The following PARD3B variants were observed in gnomAD, a reference collection of about 807,000 sequenced individuals.
PARD3B encodes partitioning defective 3 homolog B.
In PARD3B, 103 loss-of-function variants were observed where a neutral mutation model predicts 130.2. That is an observed-to-expected ratio of 0.79 (90% CI 0.67 to 0.93). The LOEUF is 0.93. Ranked by LOEUF, PARD3B falls within the 40% of genes least tolerant of loss-of-function variation. The pLI, the probability that PARD3B is intolerant of heterozygous loss-of-function variation, is 0.00. For missense variants in PARD3B, 1,609 were observed against 1,499.2 expected, an observed-to-expected ratio of 1.07 and a Z score of -1.21; for synonymous variants, 583 against 553.2, an observed-to-expected ratio of 1.05 and a Z score of -0.76.
chr2:204,654,573 G>T (rs181031554), intron 1 of PARD3B, among the ~76,000 whole-genome samples: 1 of 152,252 alleles, frequency 6.6e-6, no homozygotes, highest in East Asian at 1.9e-4. Flanking sequence ...GAGTGATAGG[G>T]CAGTGTTTTT....
At chr2:204,997,855 T>G (rs145533942) in intron 3 of PARD3B, among the ~76,000 whole-genome samples, 4 of 149,614 alleles carry the variant, frequency 2.7e-5, no homozygotes, top group Admixed American at 2.7e-4. Flanking sequence ...TATATTAATT[T>G]ATACTTGTAT....
chr2:205,109,017 T>A (rs566924310), intron 5 of PARD3B, among the ~76,000 whole-genome samples: 13 of 152,294 alleles, frequency 8.5e-5, no homozygotes, highest in African/African-American at 3.1e-4. Context: ...TTCTGTTCTT[T>A]TTTATTACCT....
intron 4 of PARD3B, among the ~76,000 whole-genome samples, chr2:205,067,095 C>CTTTTGT (rs1700433045): frequency 1.7e-5 from 1 of 59,712 alleles, no homozygotes; most frequent in Non-Finnish European, 3.1e-5. Flanking sequence ...TTTTACTAGG[C>CTTTTGT]TTTTTTTTTT....
chr2:204,933,662 G>C lies in PARD3B; in HGVS notation c.223-31490G>C, dbSNP rs1349224912. Among the ~76,000 whole-genome samples, 3 of 152,168 alleles carry C rather than the reference G, an allele frequency of 2.0e-5. No homozygotes were observed. In the East Asian group the frequency reaches 5.8e-4, roughly 29 times the overall value. On this transcript the variant is annotated intron_variant, in intron 2 of 22. Transcript: ENST00000406610. ...CTGTGCTTTATTGCAAGCTATCAGA[G>C]TTCATCTTTTAGGGACTTTTGGTTC... is the stretch of plus-strand genomic sequence containing the variant.
intron 22 of PARD3B, among the ~76,000 whole-genome samples, chr2:205,566,271 T>C (rs184422041): frequency 7.2e-5 from 11 of 152,354 alleles, no homozygotes; most frequent in Admixed American, 2.6e-4. Flanking sequence ...CCAGAATGTT[T>C]GTCTAGCTGC....
intron 1 of PARD3B, among the ~76,000 whole-genome samples, chr2:204,621,997 G>C (rs1404614708): frequency 6.6e-6 from 1 of 152,128 alleles, no homozygotes; most frequent in Non-Finnish European, 1.5e-5. Flanking sequence ...CATAGGTCTA[G>C]TATTTCTTTC....
chr2:205,274,884 T>C lies in PARD3B; in HGVS notation c.2186-25646T>C, dbSNP rs2040878020. On this transcript the variant is annotated intron_variant, in intron 16 of 22. Transcript: ENST00000406610. The surrounding 1 kb of genome is among the most constrained non-coding windows in gnomAD (Gnocchi z 4.2). Reference sequence around the variant, plus strand: ...CTCAGAAAACTGGTAAAAAGCAGAATTGTCATTTTACTAAATATTCTTTCT... The same window carrying C: ...CTCAGAAAACTGGTAAAAAGCAGAACTGTCATTTTACTAAATATTCTTTCT... 6.6e-6 allele frequency among the ~76,000 whole-genome samples: 1 copy of C among 152,194 alleles called. No individual in the cohort carries two copies. The highest frequency in any genetic ancestry group is 6.6e-5 in the Admixed American group (1 of 15,264).
intron 10 of PARD3B, among the ~76,000 whole-genome samples, chr2:205,133,776 T>C (rs142932175): frequency 1.1e-4 from 17 of 152,288 alleles, no homozygotes; most frequent in Non-Finnish European, 2.4e-4. Flanking sequence ...CCCTGATTCA[T>C]TTAGGCAAAC....
chr2:205,245,402 G>C (rs565610980), intron 15 of PARD3B, among the ~76,000 whole-genome samples: 64 of 152,154 alleles, frequency 4.2e-4, no homozygotes, highest in African/African-American at 1.4e-3. Context: ...TATACACACA[G>C]ACACACACAC....
intron 3 of PARD3B, among the ~76,000 whole-genome samples, chr2:205,045,770 T>TAC (rs575548645): frequency 0.012 from 1,876 of 150,574 alleles, 19 homozygotes; most frequent in Non-Finnish European, 0.019. Flanking sequence ...TCTCCATATA[T>TAC]ACACACACAC....
chr2:204,770,629 G>T (rs966551095), intron 2 of PARD3B, among the ~76,000 whole-genome samples: 2 of 151,926 alleles, frequency 1.3e-5, no homozygotes, highest in African/African-American at 4.8e-5. Flanking sequence ...AATATTTTTG[G>T]CAGATCTGCG....
In PARD3B at chr2:205,056,588, TA is replaced by T. The variant is rs113184973; in HGVS notation, c.504+8911del. Among the ~76,000 whole-genome samples, 1,184 of 144,194 alleles carry T rather than the reference TA, an allele frequency of 8.2e-3. 11 individuals carry two copies. The highest frequency in any genetic ancestry group is 0.025 in the African/African-American group (977 of 39,536). The allele number at this position is 144,194 out of a possible 152,430, so 94.6% of individuals were successfully genotyped here. On this transcript the variant is annotated intron_variant, in intron 4 of 22. Transcript: ENST00000406610. ...AAGCCTTCTGACAGACTAAAACCAT[TA>T]AAAAAAAAAAAATTGCTACTTTTAG...
At chr2:205,503,659 CT>C (rs1559154991) in intron 21 of PARD3B, among the ~76,000 whole-genome samples, 1 of 152,190 alleles carries the variant, frequency 6.6e-6, no homozygotes, top group East Asian at 1.9e-4. Flanking sequence ...AATGCGGGCT[CT>C]TTTTTGGTTC....
chr2:204,599,736 A>G (rs1361191016), intron 1 of PARD3B, among the ~76,000 whole-genome samples: 1 of 151,896 alleles, frequency 6.6e-6, no homozygotes, highest in African/African-American at 2.4e-5. Context: ...TGGTAGTTCT[A>G]TTTGTAGTTT....
chr2:205,276,570 T>C lies in PARD3B; in HGVS notation c.2186-23960T>C, dbSNP rs981438668. The stretch of plus-strand genomic sequence containing the variant: ...TCGGGAGCGGGAGCAGCACCCACCA[T>C]CTCACAAATGGCCCTTCTCGGCAAC... On this transcript the variant is annotated intron_variant, in intron 16 of 22. Transcript: ENST00000406610. This position sits in a 1 kb window ranked among gnomAD's most constrained non-coding sequence, Gnocchi z 5.0. Among the ~76,000 whole-genome samples, 7 of 152,100 alleles carry C rather than the reference T, an allele frequency of 4.6e-5. No individual in the cohort carries two copies. In the South Asian group the frequency reaches 1.0e-3, roughly 23 times the overall value.
At chr2:205,507,602 G>T (rs1189643193) in intron 21 of PARD3B, among the ~76,000 whole-genome samples, 1 of 152,082 alleles carries the variant, frequency 6.6e-6, no homozygotes, top group African/African-American at 2.4e-5. Context: ...CATAAATAAG[G>T]ATAGGTGAAG....
chr2:205,136,154 C>G (rs574094079), intron 10 of PARD3B, among the ~76,000 whole-genome samples: 5 of 152,214 alleles, frequency 3.3e-5, no homozygotes, highest in African/African-American at 9.6e-5. Context: ...CACTGCCCCC[C>G]ACACACCAAA....
intron 2 of PARD3B, among the ~76,000 whole-genome samples, chr2:204,760,756 C>A (rs952466332): frequency 3.9e-5 from 6 of 152,092 alleles, no homozygotes; most frequent in African/African-American, 1.4e-4. Flanking sequence ...AAATTATTTA[C>A]TTTTCGTAGG....
intron 15 of PARD3B, among the ~76,000 whole-genome samples, chr2:205,223,244 A>G (rs1238892506): frequency 6.6e-6 from 1 of 152,234 alleles, no homozygotes; most frequent in African/African-American, 2.4e-5. Flanking sequence ...AATCTGGGAT[A>G]CAAAGATAAA....
Sources: allele counts gnomAD v4.1 joint callset (sites outside exome capture counted in the v4.1 genomes callset), GRCh38; gene constraint gnomAD v4.1.1; non-coding constraint Gnocchi (gnomAD v3.1); transcripts MANE v1.5; gene names NCBI Gene and HGNC (gene_info 2026-07-23, HGNC 2026-07-21).